AHCY: variants seen among roughly 807,000 people sequenced by gnomAD.
AHCY encodes the protein adenosylhomocysteinase.
Under a neutral mutation model 45.4 loss-of-function variants are expected in AHCY, and 24 were observed. The observed-to-expected ratio is 0.53, with a 90% CI of 0.38 to 0.74. The LOEUF (loss-of-function observed/expected upper bound fraction) is 0.74, where lower values mean the gene tolerates loss of function less well. Ranked by LOEUF, AHCY falls within the 30% of genes least tolerant of loss-of-function variation. The pLI is 0.00. For missense variants in AHCY, 449 were observed against 594.1 expected, an observed-to-expected ratio of 0.76 and a Z score of 2.54; for synonymous variants, 245 against 235.1, an observed-to-expected ratio of 1.04 and a Z score of -0.39.
downstream of AHCY, among the ~76,000 whole-genome samples, chr20:34,278,653 G>T (rs958935088): frequency 2.6e-5 from 4 of 152,090 alleles, no homozygotes; most frequent in Middle Eastern, 3.2e-3. Flanking sequence ...CTTGGATTTT[G>T]GTCTAAGTCC....
intron 1 of AHCY, among the ~76,000 whole-genome samples, chr20:34,298,609 A>AGGGGGGGGGGGGGGGGGGGGGGGG (rs35505406): frequency 1.2e-5 from 1 of 83,132 alleles, no homozygotes. Flanking sequence ...CGGCGGCGGG[A>AGGGGGGGGGGGGGGGGGGGGGGGG]GGGGGGGGGG....
At chr20:34,259,552 T>C in the AHCY span, among the ~76,000 whole-genome samples, 1 of 151,742 alleles carries the variant, frequency 6.6e-6, no homozygotes, top group East Asian at 1.9e-4. Flanking sequence ...AAATGCTTAG[T>C]CTGGCCAATG....
chr20:34,241,046 A>C, the AHCY span, among the ~76,000 whole-genome samples: 1 of 152,160 alleles, frequency 6.6e-6, no homozygotes, highest in African/African-American at 2.4e-5. Flanking sequence ...CACGGACAGG[A>C]AAGACGCTCT....
chr20:34,267,115 T>G, the AHCY span, among the ~76,000 whole-genome samples: 1 of 152,244 alleles, frequency 6.6e-6, no homozygotes, highest in Non-Finnish European at 1.5e-5. Flanking sequence ...TATATTTATA[T>G]GCTAAGCACT....
the AHCY span, among the ~76,000 whole-genome samples, chr20:34,235,944 AGAAGGAAG>A: frequency 1.5e-4 from 18 of 119,160 alleles, 1 homozygote; most frequent in South Asian, 2.8e-4. Flanking sequence ...GAGGGAGGGA[AGAAGGAAG>A]GAAGGAAGGA....
chr20:34,296,368 T>C (rs2122789459), intron 1 of AHCY, among the ~76,000 whole-genome samples: 1 of 152,308 alleles, frequency 6.6e-6, no homozygotes, highest in Non-Finnish European at 1.5e-5. Flanking sequence ...AGCAGGATCA[T>C]TTGGATTTCA....
In AHCY at chr20:34,290,528, G is replaced by A. The variant is rs199740394; in HGVS notation, c.854+23C>T. ...ACTCTGCCCTCCTCCCTCACTCCCCGGGACCCCCCATCTGGCACCTACCGG... is the reference window on the plus strand; with the variant it reads ...ACTCTGCCCTCCTCCCTCACTCCCCAGGACCCCCCATCTGGCACCTACCGG... On this transcript the variant is annotated intron_variant, in intron 7 of 9. Transcript: ENST00000217426. This position sits in a 1 kb window ranked among gnomAD's most constrained non-coding sequence, Gnocchi z 4.5. 8.0e-5 allele frequency: 129 copies of A among 1,613,938 alleles called. No homozygotes were observed. Among genetic ancestry groups the A allele is most frequent in the African/African-American group, 6.4e-4 (48 of 75,026 alleles).
Position 34,281,104 on chromosome 20 carries a change from G to T in AHCY, c.1229C>A (p.Thr410Asn), listed in dbSNP as rs2035986305. 1 of 1,614,152 alleles carries T rather than the reference G, an allele frequency of 6.2e-7. No individual in the cohort carries two copies. The highest frequency in any genetic ancestry group is 1.1e-5 in the South Asian group (1 of 91,084). ...GCCCAGGTACTGGGCTTGCTTCTCA[G>T]TTAGCTTGGTCAACTTCACATTCAG... ...GKLNVKLTKLTEKQAQYLGMS... is the reference protein window; with the variant it reads ...GKLNVKLTKLNEKQAQYLGMS... The change falls in exon 10 of 10, where the codon ACT (threonine) becomes AAT (asparagine). Residue 410 changes from threonine (T) to asparagine (N), a missense_variant. Transcript: ENST00000217426.
At chr20:34,248,640 TA>T in the AHCY span, among the ~76,000 whole-genome samples, 1 of 151,514 alleles carries the variant, frequency 6.6e-6, no homozygotes, top group South Asian at 2.1e-4. Flanking sequence ...TCACCTCTAC[TA>T]AAAAAATAAT....
the AHCY span, among the ~76,000 whole-genome samples, chr20:34,260,794 A>C: frequency 6.3e-3 from 960 of 152,302 alleles, 10 homozygotes; most frequent in African/African-American, 0.022. Context: ...AACTTTGTTT[A>C]ATTTAGCATT....
At chr20:34,304,496 TG>T (rs1486384108), upstream of AHCY, among the ~76,000 whole-genome samples, 4 of 152,162 alleles carry the variant, frequency 2.6e-5, no homozygotes, top group South Asian at 2.1e-4. Context: ...TTTATAGTTA[TG>T]TTTTTTTAAT....
rs2036424035 is a variant in AHCY, at chr20:34,292,349, C to T, written c.445+9G>A. 1 of 1,612,562 alleles carries T rather than the reference C, an allele frequency of 6.2e-7. No homozygotes were observed. The highest frequency in any genetic ancestry group is 8.5e-7 in the Non-Finnish European group (1 of 1,179,818). ...CCAGCACCCAGCCCACCTGCCCCGC[C>T]CTGCTCACCTGGCAGAAGCTGCGGG... On this transcript the variant is annotated intron_variant, in intron 4 of 9. Transcript: ENST00000217426.
At chr20:34,233,518 G>C in the AHCY span, among the ~76,000 whole-genome samples, 1 of 152,020 alleles carries the variant, frequency 6.6e-6, no homozygotes, top group African/African-American at 2.4e-5. Flanking sequence ...ACTGTAGGAT[G>C]GTTGCACAAC....
chr20:34,291,010 G>A, intron 5 of AHCY, 72 bp from the exon 6 acceptor site: 3 of 1,476,670 alleles, frequency 2.0e-6, no homozygotes, highest in East Asian at 2.3e-5. Context: ...TGGCCTCAGA[G>A]TATTCTGAAG....
the AHCY span, chr20:34,260,251 G>C: frequency 7.7e-5 from 81 of 1,057,610 alleles, no homozygotes; most frequent in African/African-American, 1.7e-4. Context: ...GCTCCACCAG[G>C]ACACTTGCCT....
chr20:34,248,541 G>A, the AHCY span, among the ~76,000 whole-genome samples: 1 of 152,224 alleles, frequency 6.6e-6, no homozygotes, highest in Middle Eastern at 3.4e-3. Context: ...GATGGCTCAC[G>A]CTTGTAATTC....
the AHCY span, among the ~76,000 whole-genome samples, chr20:34,252,646 T>G: frequency 6.6e-6 from 1 of 152,172 alleles, no homozygotes; most frequent in Non-Finnish European, 1.5e-5. Flanking sequence ...TTATCTCAAC[T>G]GCAAAGAGGC....
the AHCY span, among the ~76,000 whole-genome samples, chr20:34,238,370 G>A: frequency 3.9e-5 from 6 of 152,068 alleles, no homozygotes; most frequent in African/African-American, 7.2e-5. Flanking sequence ...CTCAGACTCA[G>A]TAATTTTCAT....
chr20:34,294,215 G>T, intron 2 of AHCY, 59 bp from the exon 3 acceptor site: 1 of 1,504,456 alleles, frequency 6.6e-7, no homozygotes, highest in Non-Finnish European at 9.2e-7. Context: ...CACCAGGGAC[G>T]CTGGGCGAGG....
Sources: allele counts gnomAD v4.1 joint callset (sites outside exome capture counted in the v4.1 genomes callset), GRCh38; gene constraint gnomAD v4.1.1; non-coding constraint Gnocchi (gnomAD v3.1); transcripts MANE v1.5; gene names NCBI Gene and HGNC (gene_info 2026-07-23, HGNC 2026-07-21).